The following FUT9 variants were observed in gnomAD, a reference collection of about 807,000 sequenced individuals.
The protein encoded by FUT9 is 4-galactosyl-N-acetylglucosaminide 3-alpha-L-fucosyltransferase 9.
A neutral mutation model predicts 29.7 loss-of-function variants in FUT9; 15 were observed. That is an observed-to-expected ratio of 0.51 (90% CI 0.34 to 0.78). FUT9 has a LOEUF of 0.78. Among genes scored for constraint, FUT9 ranks in the 30% least tolerant of loss-of-function variants. The pLI, the probability that FUT9 is intolerant of heterozygous loss-of-function variation, is 0.01. For missense variants in FUT9, 319 were observed against 425.4 expected, an observed-to-expected ratio of 0.75 and a Z score of 2.20; for synonymous variants, 169 against 153.7, an observed-to-expected ratio of 1.10 and a Z score of -0.74.
chr6:96,110,815 C>CTATTTTTTTTTTATT (rs11283884), intron 1 of FUT9, among the ~76,000 whole-genome samples: 1 of 145,046 alleles, frequency 6.9e-6, no homozygotes, highest in Non-Finnish European at 1.5e-5. Flanking sequence ...ACAAATGTGC[C>CTATTTTTTTTTTATT]TATTTATTTA....
At chr6:96,162,852 A>C (rs1017159373) in intron 2 of FUT9, among the ~76,000 whole-genome samples, 7 of 152,182 alleles carry the variant, frequency 4.6e-5, no homozygotes, top group Non-Finnish European at 1.0e-4. Context: ...TACGTGGTAG[A>C]GAGGTATTCT....
In FUT9 at chr6:96,207,952, T is replaced by A. The variant is rs1214440238; in HGVS notation, c.*3717T>A. ...TCATATATATTATGACAGCTGTATA[T>A]CTGACAATATGAAGTAGAAACTGAA... On this transcript the variant is annotated 3_prime_UTR_variant, in exon 3 of 3. Coordinates refer to ENST00000302103, the MANE Select transcript of FUT9 (RefSeq NM_006581.4). The A allele has an allele frequency of 1.2e-5, 2 of 166,638 alleles. No individual in the cohort carries two copies. The highest frequency in any genetic ancestry group is 2.4e-5 in the African/African-American group (1 of 41,360). The allele number at this position is 166,638 out of a possible 1,614,324, so 10.3% of individuals were successfully genotyped here. A position where few individuals can be genotyped will look rare whatever the true frequency, so the allele number is the denominator to read the frequency against.
chr6:96,183,028 G>A (rs376684804), intron 2 of FUT9, among the ~76,000 whole-genome samples: 1 of 151,982 alleles, frequency 6.6e-6, no homozygotes, highest in South Asian at 2.1e-4. Flanking sequence ...ATTGTTTTTG[G>A]CAGTATGGTT....
intron 1 of FUT9, among the ~76,000 whole-genome samples, chr6:96,037,997 A>C (rs1197697240): frequency 1.2e-5 from 1 of 86,072 alleles, no homozygotes; most frequent in African/African-American, 4.4e-5. Flanking sequence ...CCTGAAACAT[A>C]CACCTAATCC....
At chr6:96,198,409 T>C (rs1033030860) in intron 2 of FUT9, among the ~76,000 whole-genome samples, 4 of 152,098 alleles carry the variant, frequency 2.6e-5, no homozygotes, top group Non-Finnish European at 5.9e-5. Flanking sequence ...AGAATGATGA[T>C]TTCCAATTTC....
At chr6:96,198,206 C>T (rs565614102) in intron 2 of FUT9, among the ~76,000 whole-genome samples, 47 of 151,758 alleles carry the variant, frequency 3.1e-4, no homozygotes, top group Middle Eastern at 6.8e-3. Context: ...CATGCTGCTG[C>T]GCTGCACCCA....
At chr6:96,089,434 G>A (rs574437473) in intron 1 of FUT9, among the ~76,000 whole-genome samples, 51 of 152,278 alleles carry the variant, frequency 3.3e-4, no homozygotes, top group African/African-American at 1.2e-3. Flanking sequence ...AAGTTATAGG[G>A]CTTGTTTGCA....
chr6:96,182,022 G>T (rs1582290676), intron 2 of FUT9, among the ~76,000 whole-genome samples: 2 of 152,080 alleles, frequency 1.3e-5, no homozygotes, highest in African/African-American at 2.4e-5. Flanking sequence ...CATAGTGGTT[G>T]TACTAGTTTA....
intron 1 of FUT9, among the ~76,000 whole-genome samples, chr6:96,032,663 T>A (rs9498737): frequency 0.44 from 66,358 of 151,268 alleles, 14,612 homozygotes; most frequent in Non-Finnish European, 0.46. Flanking sequence ...ACTATTGTCT[T>A]TACGTGAAAG....
intron 2 of FUT9, among the ~76,000 whole-genome samples, chr6:96,198,341 C>T (rs1773665809): frequency 7.1e-6 from 1 of 141,258 alleles, no homozygotes; most frequent in African/African-American, 2.6e-5. Flanking sequence ...TTGTTCAATT[C>T]CCATCTATGA....
At chr6:96,177,508 A>C (rs1422702182) in intron 2 of FUT9, among the ~76,000 whole-genome samples, 1 of 152,182 alleles carries the variant, frequency 6.6e-6, no homozygotes, top group Non-Finnish European at 1.5e-5. Context: ...ATATAAAAAA[A>C]CAGAAAACCT....
chr6:96,131,975 T>C (rs1219065021), intron 2 of FUT9, among the ~76,000 whole-genome samples: 1 of 152,082 alleles, frequency 6.6e-6, no homozygotes, highest in Non-Finnish European at 1.5e-5. Context: ...TCATTTCTCA[T>C]ATGAACGAGT....
intron 2 of FUT9, among the ~76,000 whole-genome samples, chr6:96,154,008 T>G (rs564921981): frequency 6.3e-4 from 96 of 152,216 alleles, no homozygotes; most frequent in Non-Finnish European, 1.1e-3. Context: ...TTCTGCCACA[T>G]TAACCTCATT....
chr6:96,150,261 T>C (rs1354057432), intron 2 of FUT9, among the ~76,000 whole-genome samples: 1 of 152,132 alleles, frequency 6.6e-6, no homozygotes, highest in Non-Finnish European at 1.5e-5. Context: ...CTGGAGCAAT[T>C]AGGAATCAGG....
At chr6:96,089,476 C>A (rs1005189648) in intron 1 of FUT9, among the ~76,000 whole-genome samples, 1 of 152,174 alleles carries the variant, frequency 6.6e-6, no homozygotes, top group Admixed American at 6.6e-5. Context: ...TGCTGCCAGA[C>A]AACCAACCTT....
intron 2 of FUT9, among the ~76,000 whole-genome samples, chr6:96,122,612 G>T (rs1370444594): frequency 1.3e-5 from 2 of 152,094 alleles, no homozygotes; most frequent in South Asian, 2.1e-4. Context: ...TTTTGTAGGT[G>T]CCCTTATAAT....
intron 2 of FUT9, among the ~76,000 whole-genome samples, chr6:96,145,924 C>T (rs1025089368): frequency 7.4e-6 from 1 of 135,496 alleles, no homozygotes; most frequent in Non-Finnish European, 1.6e-5. Context: ...GGCATGACCA[C>T]TGCTCACTGC....
At chr6:96,189,966 T>A (rs1773475533) in intron 2 of FUT9, among the ~76,000 whole-genome samples, 1 of 152,210 alleles carries the variant, frequency 6.6e-6, no homozygotes, top group Non-Finnish European at 1.5e-5. Flanking sequence ...TAGCTGGTTA[T>A]TTTGCTCATT....
chr6:96,150,859 G>A (rs960603421), intron 2 of FUT9, among the ~76,000 whole-genome samples: 4 of 152,102 alleles, frequency 2.6e-5, no homozygotes, highest in African/African-American at 9.7e-5. Flanking sequence ...TAGGACTGGG[G>A]GTAAGGGCAA....
Sources: gnomAD v4.1 joint callset for allele counts (sites outside exome capture counted in the v4.1 genomes callset) on GRCh38, gnomAD v4.1.1 for gene constraint, MANE v1.5 for transcripts, NCBI Gene and HGNC (gene_info 2026-07-23, HGNC 2026-07-21) for gene names.